The following SNX29 variants were observed in gnomAD, a reference collection of about 807,000 sequenced individuals.
SNX29 encodes sorting nexin 29, also known as sorting nexin-29.
In SNX29, 78 loss-of-function variants were observed where a neutral mutation model predicts 102.1. The ratio of observed to expected loss-of-function variants is 0.76; its 90% CI spans 0.64 to 0.92. The LOEUF (loss-of-function observed/expected upper bound fraction) is 0.92, where lower values mean the gene tolerates loss of function less well. Among genes scored for constraint, SNX29 ranks in the 40% least tolerant of loss-of-function variants. The probability of loss-of-function intolerance (pLI) is 0.00; values close to 1 mark genes in which losing one functional copy is unlikely to be tolerated. For missense variants in SNX29, 1,280 were observed against 1,061.7 expected (o/e 1.21, Z -2.86); for synonymous variants, 580 against 414.5 (o/e 1.40, Z -4.85).
chr16:12,091,014 C>CAAAAAAAAAAAAAAA (rs58933500), intron 11 of SNX29, among the ~76,000 whole-genome samples: 48 of 53,394 alleles, frequency 9.0e-4, no homozygotes, highest in African/African-American at 1.9e-3. Context: ...GACTTCATCT[C>CAAAAAAAAAAAAAAA]AAAAAAAAAA....
At chr16:12,469,234 C>G (rs2087220730) in intron 18 of SNX29, among the ~76,000 whole-genome samples, 1 of 152,158 alleles carries the variant, frequency 6.6e-6, no homozygotes, top group South Asian at 2.1e-4. Flanking sequence ...TTTCTTGGGC[C>G]AAGTTATTCA....
intron 14 of SNX29, among the ~76,000 whole-genome samples, chr16:12,276,962 A>G (rs974669986): frequency 7.2e-5 from 11 of 152,144 alleles, no homozygotes; most frequent in African/African-American, 1.7e-4. Context: ...CATCCTAAGT[A>G]TGGTTTATAA....
chr16:12,461,297 A>T (rs886709158), intron 18 of SNX29, among the ~76,000 whole-genome samples: 2 of 152,180 alleles, frequency 1.3e-5, no homozygotes, highest in Admixed American at 1.3e-4. Flanking sequence ...GTGAACTTCA[A>T]GAGATTGGAT....
chr16:12,018,743 TG>T (rs2056925174), intron 3 of SNX29, among the ~76,000 whole-genome samples: 1 of 151,202 alleles, frequency 6.6e-6, no homozygotes, highest in South Asian at 2.1e-4. Flanking sequence ...CACTTTTTTT[TG>T]TCTTTTTTTT....
chr16:12,301,852 G>A (rs553733229), intron 15 of SNX29, among the ~76,000 whole-genome samples: 2 of 152,190 alleles, frequency 1.3e-5, no homozygotes, highest in African/African-American at 2.4e-5. Context: ...TCTCAGAGTC[G>A]AAGCTCTTTT....
intron 14 of SNX29, among the ~76,000 whole-genome samples, chr16:12,227,830 G>A (rs2077656594): frequency 6.6e-6 from 1 of 150,792 alleles, no homozygotes; most frequent in Non-Finnish European, 1.5e-5. Context: ...AACCCAGGTG[G>A]TGGAGGTTGC....
intron 20 of SNX29, among the ~76,000 whole-genome samples, chr16:12,533,180 C>T (rs1034587862): frequency 1.3e-5 from 2 of 152,270 alleles, no homozygotes; most frequent in African/African-American, 4.8e-5. Context: ...AAACTGGATT[C>T]TGGAACCAGC....
intron 11 of SNX29, among the ~76,000 whole-genome samples, chr16:12,120,752 C>T (rs1398460582): frequency 6.6e-6 from 1 of 152,198 alleles, no homozygotes; most frequent in East Asian, 1.9e-4. Context: ...CATGTGGTCA[C>T]TGCCGAGAAA....
At chr16:12,028,178 C>T (rs530669988) in intron 4 of SNX29, among the ~76,000 whole-genome samples, 48 of 152,268 alleles carry the variant, frequency 3.2e-4, no homozygotes, top group African/African-American at 1.1e-3. Flanking sequence ...ATGTCAGTGT[C>T]GTTGCTGAGT....
intron 3 of SNX29, 24 bp from the exon 4 acceptor site, chr16:12,027,296 G>T (rs2057221257): frequency 6.2e-7 from 1 of 1,612,612 alleles, no homozygotes; most frequent in Non-Finnish European, 8.5e-7. Flanking sequence ...TGGGGGGACT[G>T]ATGAGTCATT....
At chr16:12,241,719 C>T (rs1489228273) in intron 14 of SNX29, among the ~76,000 whole-genome samples, 11 of 152,196 alleles carry the variant, frequency 7.2e-5, no homozygotes, top group African/African-American at 2.7e-4. Flanking sequence ...GCCTTGGCCT[C>T]CCAAAGTGCT....
At chr16:12,329,980 C>A (rs908599626) in intron 15 of SNX29, among the ~76,000 whole-genome samples, 1 of 152,160 alleles carries the variant, frequency 6.6e-6, no homozygotes, top group East Asian at 1.9e-4. Flanking sequence ...TGGGCTGTTG[C>A]GTCTGAGACA....
intron 20 of SNX29, chr16:12,556,518 G>C (rs933788745): frequency 1.3e-5 from 2 of 152,444 alleles, no homozygotes; most frequent in East Asian, 3.9e-4. Context: ...TGTTGCCAGA[G>C]GAAGTGACGA....
intron 13 of SNX29, among the ~76,000 whole-genome samples, chr16:12,186,937 G>T (rs2076525051): frequency 6.6e-6 from 1 of 152,240 alleles, no homozygotes; most frequent in African/African-American, 2.4e-5. Flanking sequence ...AAAGTCAAGA[G>T]AGATGTAGCA....
At chr16:12,563,729 C>G (rs2865573) in intron 20 of SNX29, among the ~76,000 whole-genome samples, 39,862 of 152,180 alleles carry the variant, frequency 0.26, 5,822 homozygotes, top group East Asian at 0.44. Context: ...AGAGATGGCA[C>G]TGTCATTCTT....
At chr16:12,125,531 T>G (rs1189197355) in intron 11 of SNX29, among the ~76,000 whole-genome samples, 1 of 149,506 alleles carries the variant, frequency 6.7e-6, no homozygotes, top group Non-Finnish European at 1.5e-5. Context: ...GCATCCATCG[T>G]CCTCTGTTTC....
In SNX29 at chr16:12,116,598, C is replaced by T. The variant is rs577933209; in HGVS notation, c.1403-10035C>T. On this transcript the variant is annotated intron_variant, in intron 11 of 20. Transcript: ENST00000566228. ...CTGAGGCATGAGAATCACTTGAACC[C>T]GGGAGGCAGAGGTTGCAGTGAGCCA... Among the ~76,000 whole-genome samples, 48 of 152,236 alleles carry T rather than the reference C, an allele frequency of 3.2e-4. 1 individual carries two copies. Among genetic ancestry groups the T allele is most frequent in the Admixed American group, 1.4e-3 (22 of 15,288 alleles).
Position 12,213,225 on chromosome 16 carries a change from A to G in SNX29, c.1678+13542A>G, listed in dbSNP as rs544409044. 4.3e-4 allele frequency among the ~76,000 whole-genome samples: 65 copies of G among 152,326 alleles called. 1 individual carries two copies. The South Asian group carries it at 0.01, about 24-fold the overall frequency. ...AGAGGCCATCATCCTAAGTGAAGTAACTCAGGAACAGAAAAATAGCACATC... is the reference window on the plus strand; with the variant it reads ...AGAGGCCATCATCCTAAGTGAAGTAGCTCAGGAACAGAAAAATAGCACATC... On this transcript the variant is annotated intron_variant, in intron 14 of 20. Transcript: ENST00000566228.
intron 14 of SNX29, among the ~76,000 whole-genome samples, chr16:12,251,115 TC>T (rs911450667): frequency 4.6e-5 from 7 of 152,184 alleles, no homozygotes; most frequent in African/African-American, 1.7e-4. Flanking sequence ...AAGGCAAACT[TC>T]CTGGGTTGGG....
Sources: gnomAD v4.1 joint callset for allele counts (sites outside exome capture counted in the v4.1 genomes callset) on GRCh38, gnomAD v4.1.1 for gene constraint, MANE v1.5 for transcripts, NCBI Gene and HGNC (gene_info 2026-07-23, HGNC 2026-07-21) for gene names.